The following LSAMP variants were observed in gnomAD, a reference collection of about 807,000 sequenced individuals.
The protein encoded by LSAMP is limbic system-associated membrane protein.
In LSAMP, 7 loss-of-function variants were observed where a neutral mutation model predicts 38.6. The ratio of observed to expected loss-of-function variants is 0.18; its 90% confidence interval spans 0.10 to 0.34. The LOEUF (loss-of-function observed/expected upper bound fraction) is 0.34. Ranked by LOEUF, LSAMP falls within the 10% of genes least tolerant of loss-of-function variation. The pLI is 1.00. For missense variants in LSAMP, 313 were observed against 420.0 expected, an observed-to-expected ratio of 0.75 and a Z score of 2.23; for synonymous variants, 154 against 166.8, an observed-to-expected ratio of 0.92 and a Z score of 0.59.
At chr3:115,852,075 A>G (rs893130690) in intron 4 of LSAMP, among the ~76,000 whole-genome samples, 4 of 152,204 alleles carry the variant, frequency 2.6e-5, no homozygotes, top group Non-Finnish European at 4.4e-5. Flanking sequence ...AGGATAAAAT[A>G]TAATCTTGAG....
At chr3:115,941,895 G>A (rs1489924270) in intron 3 of LSAMP, among the ~76,000 whole-genome samples, 9 of 152,014 alleles carry the variant, frequency 5.9e-5, no homozygotes, top group Non-Finnish European at 1.0e-4. Flanking sequence ...TGATAGATAT[G>A]TTAATTAATT....
At chr3:116,160,857 T>C (rs1171877083) in intron 1 of LSAMP, among the ~76,000 whole-genome samples, 1 of 152,218 alleles carries the variant, frequency 6.6e-6, no homozygotes, top group African/African-American at 2.4e-5. Flanking sequence ...TTAGTAGGTC[T>C]TGAATGAGGC....
At chr3:116,007,688 T>A (rs1459086990) in intron 3 of LSAMP, among the ~76,000 whole-genome samples, 1 of 151,960 alleles carries the variant, frequency 6.6e-6, no homozygotes. Flanking sequence ...ACACAGTCAC[T>A]GAAACATTTC....
chr3:116,354,832 TC>T (rs1040193313), intron 1 of LSAMP, among the ~76,000 whole-genome samples: 4 of 140,090 alleles, frequency 2.9e-5, no homozygotes, highest in African/African-American at 1.1e-4. Flanking sequence ...TGTCTCTCTC[TC>T]TGGGTGTATA....
chr3:116,066,580 C>T (rs542336263), intron 2 of LSAMP, among the ~76,000 whole-genome samples: 5 of 152,036 alleles, frequency 3.3e-5, no homozygotes, highest in African/African-American at 4.8e-5. Context: ...TTTCTGATAC[C>T]GCCACTTTCT....
chr3:116,397,502 T>C (rs1029544382), intron 1 of LSAMP, among the ~76,000 whole-genome samples: 23 of 151,842 alleles, frequency 1.5e-4, no homozygotes, highest in African/African-American at 5.1e-4. Context: ...TACTTATTTA[T>C]TTATATTATT....
intron 3 of LSAMP, among the ~76,000 whole-genome samples, chr3:116,005,241 C>G (rs573193964): frequency 7.9e-5 from 12 of 152,038 alleles, no homozygotes; most frequent in Non-Finnish European, 1.5e-5. Context: ...CTCTTCAAAC[C>G]CAGAAAGGTA....
At chr3:116,339,221 G>A (rs1038652449) in intron 1 of LSAMP, among the ~76,000 whole-genome samples, 4 of 151,908 alleles carry the variant, frequency 2.6e-5, no homozygotes, top group Admixed American at 2.6e-4. Flanking sequence ...GGTCAGGCCA[G>A]CTGCCTAAGA....
At chr3:115,858,531 A>C (rs1303638233) in intron 3 of LSAMP, among the ~76,000 whole-genome samples, 1 of 152,108 alleles carries the variant, frequency 6.6e-6, no homozygotes, top group Non-Finnish European at 1.5e-5. Context: ...GACTTTTATA[A>C]GTATAGCATC....
chr3:116,299,736 C>T (rs1474576285), intron 1 of LSAMP, among the ~76,000 whole-genome samples: 1 of 152,132 alleles, frequency 6.6e-6, no homozygotes, highest in Non-Finnish European at 1.5e-5. Context: ...AAGAAGCATG[C>T]AGAATGATGA....
chr3:115,839,553 C>G (rs1174109812), intron 6 of LSAMP, among the ~76,000 whole-genome samples: 1 of 152,026 alleles, frequency 6.6e-6, no homozygotes, highest in Non-Finnish European at 1.5e-5. Flanking sequence ...ATAGATTCAC[C>G]AATATTCTGC....
intron 2 of LSAMP, among the ~76,000 whole-genome samples, 186 bp from the exon 3 acceptor site, chr3:116,019,826 T>C (rs1392600412): frequency 6.6e-6 from 1 of 152,194 alleles, no homozygotes; most frequent in East Asian, 1.9e-4. Flanking sequence ...CCTAAAGCAC[T>C]ACTATAAGGT....
chr3:116,445,113 G>A lies in LSAMP; in HGVS notation c.-82C>T. 1.4e-6 allele frequency: 2 copies of A among 1,418,148 alleles called. No individual in the cohort carries two copies. Among genetic ancestry groups the A allele is most frequent in the Non-Finnish European group, 1.9e-6 (2 of 1,042,114 alleles). 87.8% of individuals were successfully genotyped at this position (1,418,148 alleles called of 1,614,324 possible). A position where few individuals can be genotyped will look rare whatever the true frequency, so the allele number is the denominator to read the frequency against. ...GCGAGGAGAGGCTTCACCAACACGG[G>A]GCTTTCATCCACAGCGAGCGCAGAG... On this transcript the variant is annotated 5_prime_UTR_variant, in exon 1 of 7. Transcript: ENST00000490035.
chr3:115,852,126 C>T (rs1000484010), intron 4 of LSAMP, among the ~76,000 whole-genome samples: 2 of 152,146 alleles, frequency 1.3e-5, no homozygotes, highest in Non-Finnish European at 2.9e-5. Flanking sequence ...ATGGACATTC[C>T]AGTTAAACCA....
intron 3 of LSAMP, among the ~76,000 whole-genome samples, chr3:115,868,727 T>C (rs1157301858): frequency 2.6e-5 from 4 of 152,182 alleles, no homozygotes; most frequent in East Asian, 1.9e-4. Context: ...ACCATAAAGA[T>C]TTAATCTTCT....
chr3:116,098,475 C>T lies in LSAMP; in HGVS notation c.156-11919G>A, dbSNP rs1708273638. On this transcript the variant is annotated intron_variant, in intron 1 of 6. Coordinates refer to ENST00000490035, the MANE Select transcript of LSAMP (RefSeq NM_002338.5). ...GATTGCGCCATTGCAGCCTTGGCAA[C>T]AAGAGCAAAACTCCGTCTCAAAAAT... Among the ~76,000 whole-genome samples the T allele has an allele frequency of 2.0e-5, 3 of 152,250 alleles. No individual in the cohort carries two copies. In the South Asian group the frequency reaches 6.2e-4, roughly 32 times the overall value.
chr3:116,201,098 G>T (rs2045981885), intron 1 of LSAMP, among the ~76,000 whole-genome samples: 1 of 152,134 alleles, frequency 6.6e-6, no homozygotes, highest in African/African-American at 2.4e-5. Flanking sequence ...CGGATGGGTG[G>T]GTTAGCTGTT....
chr3:115,887,964 AG>A (rs1399225427), intron 3 of LSAMP, among the ~76,000 whole-genome samples: 1 of 151,930 alleles, frequency 6.6e-6, no homozygotes. Flanking sequence ...CGGGCAGTAA[AG>A]GAGGTCAGAT....
chr3:116,268,790 AT>A (rs1488483477), intron 1 of LSAMP, among the ~76,000 whole-genome samples: 1 of 152,064 alleles, frequency 6.6e-6, no homozygotes, highest in Non-Finnish European at 1.5e-5. Context: ...ATTTAAAAAA[AT>A]ATTATTATTC....
Sources: allele counts gnomAD v4.1 joint callset (sites outside exome capture counted in the v4.1 genomes callset), GRCh38; gene constraint gnomAD v4.1.1; transcripts MANE v1.5; gene names NCBI Gene and HGNC (gene_info 2026-07-23, HGNC 2026-07-21).